The following SHC3 variants were observed in gnomAD, a reference collection of about 807,000 sequenced individuals.
SHC3 encodes the protein SHC adaptor protein 3.
In SHC3, 15 loss-of-function variants were observed where a neutral mutation model predicts 60.4. The observed-to-expected ratio is 0.25, with a 90% CI of 0.17 to 0.38. The LOEUF is 0.38. Among genes scored for constraint, SHC3 ranks in the 10% least tolerant of loss-of-function variants. The probability of loss-of-function intolerance (pLI) is 1.00; values close to 1 mark genes in which losing one functional copy is unlikely to be tolerated. For missense variants in SHC3, 677 were observed against 786.1 expected (o/e 0.86, Z 1.66); for synonymous variants, 294 against 325.9 (o/e 0.90, Z 1.05).
chr9:89,172,796 G>T (rs1826888819), intron 1 of SHC3, among the ~76,000 whole-genome samples: 1 of 152,116 alleles, frequency 6.6e-6, no homozygotes, highest in Non-Finnish European at 1.5e-5. Context: ...TTTTATTTAT[G>T]AATTAAATAA....
intron 11 of SHC3, among the ~76,000 whole-genome samples, chr9:89,033,058 C>T (rs1238661420): frequency 6.8e-6 from 1 of 146,376 alleles, no homozygotes. Context: ...TATGACTTGA[C>T]AAATTTTCTC....
rs557072986 is a variant in SHC3 at position 89,143,786 on chromosome 9, A to C, written c.475-31160T>G. Among the ~76,000 whole-genome samples, 4 of 152,282 alleles carry C rather than the reference A, an allele frequency of 2.6e-5. No individual in the cohort carries two copies. The East Asian group carries it at 7.7e-4, about 29-fold the overall frequency. ...GTTGCTTGGAACCTCCAGGGACCCAAGGGGCAGACTGGCCTTTTTCGGGGT... is the reference window on the plus strand; with the variant it reads ...GTTGCTTGGAACCTCCAGGGACCCACGGGGCAGACTGGCCTTTTTCGGGGT... On this transcript the variant is annotated intron_variant, in intron 1 of 11. Coordinates refer to ENST00000375835, the MANE Select transcript of SHC3 (RefSeq NM_016848.6).
intron 6 of SHC3, among the ~76,000 whole-genome samples, chr9:89,054,205 G>A (rs1443875954): frequency 6.6e-6 from 1 of 152,184 alleles, no homozygotes; most frequent in Non-Finnish European, 1.5e-5. Flanking sequence ...GACATGTGGA[G>A]CAGGTCAGGG....
chr9:89,110,027 T>C (rs993948205), intron 2 of SHC3: 3 of 985,276 alleles, frequency 3.0e-6, no homozygotes, highest in African/African-American at 3.5e-5. Flanking sequence ...TACACTGACA[T>C]GAGTGATAAA....
At chr9:89,150,142 T>A (rs1383764316) in intron 1 of SHC3, among the ~76,000 whole-genome samples, 1 of 152,198 alleles carries the variant, frequency 6.6e-6, no homozygotes, top group Non-Finnish European at 1.5e-5. Flanking sequence ...AATTTATAAA[T>A]TAAACTTTAT....
chr9:89,102,231 T>C (rs1403904743), intron 2 of SHC3, among the ~76,000 whole-genome samples: 3 of 152,184 alleles, frequency 2.0e-5, no homozygotes, highest in Non-Finnish European at 4.4e-5. Context: ...TCCCTCTAAC[T>C]AGCAGTTTAT....
chr9:89,042,577 C>A (rs926003351), intron 9 of SHC3, among the ~76,000 whole-genome samples: 8 of 152,222 alleles, frequency 5.3e-5, no homozygotes, highest in Admixed American at 5.2e-4. Context: ...ATATTAATTG[C>A]TCTTGTTTTC....
intron 6 of SHC3, among the ~76,000 whole-genome samples, chr9:89,056,862 G>A (rs564936161): frequency 2.6e-5 from 4 of 152,376 alleles, no homozygotes; most frequent in South Asian, 2.1e-4. Context: ...TGAACAGCGA[G>A]ACCCTGCCCA....
chr9:89,117,668 T>C (rs951321800), intron 1 of SHC3, among the ~76,000 whole-genome samples: 2 of 152,212 alleles, frequency 1.3e-5, no homozygotes, highest in Non-Finnish European at 2.9e-5. Context: ...ATTTTCTAGA[T>C]GGCTTCTGAG....
At chr9:89,161,390 G>A (rs1826704012) in intron 1 of SHC3, among the ~76,000 whole-genome samples, 1 of 152,150 alleles carries the variant, frequency 6.6e-6, no homozygotes, top group Non-Finnish European at 1.5e-5. Flanking sequence ...CTCCCCAGAA[G>A]CTTAGCAGAT....
intron 3 of SHC3, among the ~76,000 whole-genome samples, chr9:89,077,100 C>G: frequency 6.6e-6 from 1 of 151,916 alleles, no homozygotes; most frequent in East Asian, 1.9e-4. Context: ...TCGCTTGAAC[C>G]CAGGAGGCGG....
chr9:89,112,477 A>C (rs1825963241), intron 2 of SHC3, 79 bp downstream of exon 2: 1 of 1,511,136 alleles, frequency 6.6e-7, no homozygotes, highest in South Asian at 1.2e-5. Context: ...CTTTTCTTCT[A>C]AAAATGTGTC....
At chr9:89,174,286 T>C (rs1826911510) in intron 1 of SHC3, among the ~76,000 whole-genome samples, 1 of 152,198 alleles carries the variant, frequency 6.6e-6, no homozygotes, top group Admixed American at 6.5e-5. Flanking sequence ...AGTAATAAAA[T>C]AATTTTTAAA....
chr9:89,101,905 A>AT (rs1226008590), intron 2 of SHC3, among the ~76,000 whole-genome samples: 1 of 151,864 alleles, frequency 6.6e-6, no homozygotes, highest in African/African-American at 2.4e-5. Flanking sequence ...AATTGATGTT[A>AT]TTTTTTCCTT....
intron 2 of SHC3, among the ~76,000 whole-genome samples, chr9:89,092,317 A>G (rs1825633807): frequency 6.6e-6 from 1 of 152,208 alleles, no homozygotes. Flanking sequence ...ATGATTTGCA[A>G]CTATAAAAAA....
intron 1 of SHC3, among the ~76,000 whole-genome samples, chr9:89,177,752 A>G (rs943207300): frequency 6.6e-6 from 1 of 152,242 alleles, no homozygotes; most frequent in African/African-American, 2.4e-5. Flanking sequence ...GAAAACCGGG[A>G]CGGAGCGGGC....
chr9:89,091,358 T>C (rs1825618643), intron 2 of SHC3, among the ~76,000 whole-genome samples: 3 of 152,276 alleles, frequency 2.0e-5, no homozygotes, highest in African/African-American at 7.2e-5. Flanking sequence ...TGGACTGAAA[T>C]TAGGTGTTCA....
chr9:89,133,678 G>A (rs1185673339), intron 1 of SHC3, among the ~76,000 whole-genome samples: 2 of 151,974 alleles, frequency 1.3e-5, no homozygotes, highest in Non-Finnish European at 2.9e-5. Flanking sequence ...ACCAAATACT[G>A]CATGTTCTCA....
chr9:89,127,485 T>C (rs1281021034), intron 1 of SHC3, among the ~76,000 whole-genome samples: 2 of 152,126 alleles, frequency 1.3e-5, no homozygotes, highest in African/African-American at 4.8e-5. Context: ...AGAACCTGTT[T>C]TGGAAAAAAC....
Sources: gnomAD v4.1 joint callset for allele counts (sites outside exome capture counted in the v4.1 genomes callset) on GRCh38, gnomAD v4.1.1 for gene constraint, MANE v1.5 for transcripts, NCBI Gene and HGNC (gene_info 2026-07-23, HGNC 2026-07-21) for gene names.